ELFN2: variants seen among roughly 807,000 people sequenced by gnomAD.
ELFN2 encodes the protein extracellular leucine rich repeat and fibronectin type III domain containing 2, also known as protein phosphatase 1 regulatory subunit 29.
A neutral mutation model predicts 45.5 loss-of-function variants in ELFN2; 17 were observed. The observed-to-expected ratio is 0.37, with a 90% CI of 0.26 to 0.56. The LOEUF is 0.56. ELFN2 is among the 20% of genes least tolerant of loss of function. ELFN2 has a pLI of 0.77. For synonymous variants in ELFN2, 550 were observed against 551.5 expected (o/e 1.00, Z 0.04); for missense variants, 922 against 1,183.2 (o/e 0.78, Z 3.24).
At chr22:37,344,529 T>C (rs900032448) in intron 1 of ELFN2, among the ~76,000 whole-genome samples, 3 of 151,926 alleles carry the variant, frequency 2.0e-5, no homozygotes, top group Non-Finnish European at 4.4e-5. Flanking sequence ...CAGGTGGCCT[T>C]CCTGGTCCTG....
At chr22:37,355,192 C>T (rs1262252841) in intron 1 of ELFN2, among the ~76,000 whole-genome samples, 3 of 152,192 alleles carry the variant, frequency 2.0e-5, no homozygotes, top group South Asian at 2.1e-4. Flanking sequence ...GGTTTTCTGC[C>T]GCAAGTGACA....
chr22:37,349,647 G>C (rs1392612126), intron 1 of ELFN2, among the ~76,000 whole-genome samples: 5 of 150,914 alleles, frequency 3.3e-5, no homozygotes, highest in Admixed American at 3.3e-4. Context: ...TGGGTGGTGG[G>C]GTGGGGGTGC....
At chr22:37,344,431 C>T (rs1460001321) in intron 1 of ELFN2, among the ~76,000 whole-genome samples, 5 of 151,796 alleles carry the variant, frequency 3.3e-5, no homozygotes, top group Non-Finnish European at 5.9e-5. Context: ...CGGCTCTCAG[C>T]GCCAGGTGGA....
intron 2 of ELFN2, among the ~76,000 whole-genome samples, chr22:37,400,107 G>C (rs1932325816): frequency 1.3e-5 from 2 of 152,160 alleles, no homozygotes; most frequent in Non-Finnish European, 2.9e-5. Flanking sequence ...AAACCGGGAG[G>C]GGCAAGGGAG....
At chr22:37,425,870 T>TATACACAC (rs1932844317) in intron 1 of ELFN2, among the ~76,000 whole-genome samples, 1 of 145,682 alleles carries the variant, frequency 6.9e-6, no homozygotes, top group African/African-American at 2.6e-5. Flanking sequence ...CACATACACA[T>TATACACAC]ACACACACAC....
At chr22:37,426,441 G>A (rs1019881942) in intron 1 of ELFN2, among the ~76,000 whole-genome samples, 5 of 151,534 alleles carry the variant, frequency 3.3e-5, no homozygotes, top group African/African-American at 9.7e-5. Context: ...GCGTGTGTGC[G>A]CTTGTGTGTA....
intron 2 of ELFN2, among the ~76,000 whole-genome samples, chr22:37,403,002 T>G (rs182250804): frequency 6.6e-6 from 1 of 152,064 alleles, no homozygotes; most frequent in Non-Finnish European, 1.5e-5. Context: ...CCAGAGACCA[T>G]GCCTCACTTG....
At chr22:37,399,043 G>A (rs539613915) in intron 2 of ELFN2, among the ~76,000 whole-genome samples, 23 of 151,994 alleles carry the variant, frequency 1.5e-4, no homozygotes, top group Admixed American at 3.9e-4. Context: ...TTCCTGGCCC[G>A]GAGGGAGCTC....
At chr22:37,402,848 C>T (rs1448940140) in intron 2 of ELFN2, among the ~76,000 whole-genome samples, 4 of 152,206 alleles carry the variant, frequency 2.6e-5, no homozygotes, top group African/African-American at 9.7e-5. Context: ...CAACCCGAGG[C>T]ATGCCAAGCC....
At chr22:37,381,233 C>A (rs1021927383) in intron 2 of ELFN2, among the ~76,000 whole-genome samples, 2 of 152,152 alleles carry the variant, frequency 1.3e-5, no homozygotes, top group African/African-American at 4.8e-5. Context: ...AAGACAGAGG[C>A]TCTCTCCTCC....
intron 1 of ELFN2, among the ~76,000 whole-genome samples, chr22:37,349,439 G>A (rs1304617932): frequency 6.6e-6 from 1 of 151,258 alleles, no homozygotes; most frequent in Non-Finnish European, 1.5e-5. Flanking sequence ...GATGTTTGGA[G>A]GTTCCTGAGA....
chr22:37,371,554 G>C lies in ELFN2; in HGVS notation c.*1518C>G, dbSNP rs73884007. On this transcript the variant is annotated 3_prime_UTR_variant, in exon 3 of 3. Transcript: ENST00000402918. The surrounding 1 kb of genome is among the most constrained non-coding windows in gnomAD (Gnocchi z 6.4). ...TGGTCAAGACCCCAGTCTCAGGACC[G>C]CAGATTTGCCTCCCAAAAGAGCTGG... is the stretch of plus-strand genomic sequence containing the variant. 0.033 allele frequency: 5,062 copies of C among 152,418 alleles called. 284 individuals are homozygous for C. Among genetic ancestry groups the C allele is most frequent in the African/African-American group, 0.12 (4,815 of 41,500 alleles). 9.4% of individuals were successfully genotyped at this position (152,418 alleles called of 1,614,324 possible). A position where few individuals can be genotyped will look rare whatever the true frequency, so the allele number is the denominator to read the frequency against.
intron 1 of ELFN2, among the ~76,000 whole-genome samples, chr22:37,349,233 A>T (rs913332849): frequency 1.3e-4 from 20 of 151,220 alleles, no homozygotes; most frequent in African/African-American, 4.6e-4. Flanking sequence ...CGGAGGTGGC[A>T]TAGGACTGGG....
In ELFN2 at chr22:37,373,286, T is replaced by C; in HGVS notation, c.2249A>G (p.His750Arg). 2.5e-6 allele frequency: 4 copies of C among 1,613,558 alleles called. No individual in the cohort carries two copies. Among genetic ancestry groups the C allele is most frequent in the Admixed American group, 1.7e-5 (1 of 60,000 alleles). ...GCTGGAGGAGTACCCTGAGTAGTAG[T>C]GTCTGGGGGAGAGCTGCGAGTAGGT... is the stretch of plus-strand genomic sequence containing the variant. Reference protein sequence around the residue: ...DSTYSQLSPRHYYSGYSSSPE... With the variant: ...DSTYSQLSPRRYYSGYSSSPE... The change falls in exon 3 of 3, where the codon CAC (histidine) becomes CGC (arginine). Residue 750 changes from histidine (H) to arginine (R), a missense_variant. Coordinates refer to ENST00000402918, the MANE Select transcript of ELFN2 (RefSeq NM_052906.5).
chr22:37,411,884 C>T (rs542511209), intron 2 of ELFN2, among the ~76,000 whole-genome samples: 10 of 152,218 alleles, frequency 6.6e-5, no homozygotes, highest in East Asian at 1.9e-4. Flanking sequence ...TGGGATCTAA[C>T]TCACAAGGTC....
rs1931378480 is a variant in ELFN2 at position 37,371,895 on chromosome 22, G to A, written c.*1177C>T. The A allele has an allele frequency of 6.6e-6, 1 of 152,458 alleles. No homozygotes were observed. The highest frequency in any genetic ancestry group is 1.5e-5 in the Non-Finnish European group (1 of 68,110). 9.4% of individuals were successfully genotyped at this position (152,458 alleles called of 1,614,324 possible). A position where few individuals can be genotyped will look rare whatever the true frequency, so the allele number is the denominator to read the frequency against. The stretch of plus-strand genomic sequence containing the variant: ...GGGCCAGGCCTGGATGAGCAGCCCA[G>A]AGGGGATGGGTGAGAAAGCCCTCCT... On this transcript the variant is annotated 3_prime_UTR_variant, in exon 3 of 3. Transcript: ENST00000402918. The surrounding 1 kb of genome is among the most constrained non-coding windows in gnomAD (Gnocchi z 6.4).
At chr22:37,379,934 C>G (rs8137368) in intron 2 of ELFN2, among the ~76,000 whole-genome samples, 116,924 of 152,148 alleles carry the variant, frequency 0.77, 45,064 homozygotes, top group Admixed American at 0.82. Flanking sequence ...CCTGCCCCCC[C>G]TCGGAGGGCA....
chr22:37,426,228 A>G (rs541206319), intron 1 of ELFN2, among the ~76,000 whole-genome samples: 1 of 152,292 alleles, frequency 6.6e-6, no homozygotes, highest in Non-Finnish European at 1.5e-5. Flanking sequence ...GTTCCTCCCC[A>G]GCTGAGTGCA....
chr22:37,399,347 C>A (rs1167134430), intron 2 of ELFN2, among the ~76,000 whole-genome samples: 1 of 152,134 alleles, frequency 6.6e-6, no homozygotes, highest in Non-Finnish European at 1.5e-5. Flanking sequence ...TTCCTGAGGG[C>A]AGGGACTCTT....
Sources: gnomAD v4.1 joint callset for allele counts (sites outside exome capture counted in the v4.1 genomes callset) on GRCh38, gnomAD v4.1.1 for gene constraint, Gnocchi (gnomAD v3.1) non-coding constraint, MANE v1.5 for transcripts, NCBI Gene and HGNC (gene_info 2026-07-23, HGNC 2026-07-21) for gene names.